Variants in SH3RF2 observed in about 807,000 individuals in gnomAD.
The protein encoded by SH3RF2 is E3 ubiquitin-protein ligase SH3RF2.
SH3RF2 carries 43 observed loss-of-function variants against 59.0 expected under a neutral mutation model. That is an observed-to-expected ratio of 0.73 (90% CI 0.57 to 0.94). The LOEUF is 0.94. Ranked by LOEUF, SH3RF2 falls within the 40% of genes least tolerant of loss-of-function variation. The pLI, the probability that SH3RF2 is intolerant of heterozygous loss-of-function variation, is 0.00. For synonymous variants in SH3RF2, 391 were observed against 391.5 expected (o/e 1.00, Z 0.01); for missense variants, 930 against 940.1 (o/e 0.99, Z 0.14).
At chr5:145,978,153 C>CA (rs542682369) in intron 2 of SH3RF2, among the ~76,000 whole-genome samples, 1 of 152,130 alleles carries the variant, frequency 6.6e-6, no homozygotes, top group African/African-American at 2.4e-5. Flanking sequence ...CGATTATCTG[C>CA]AAAAAATCAT....
chr5:145,969,750 A>G (rs774497950), intron 2 of SH3RF2, among the ~76,000 whole-genome samples: 2 of 151,988 alleles, frequency 1.3e-5, no homozygotes, highest in Admixed American at 6.6e-5. Flanking sequence ...AAAAAAAAAT[A>G]AAGTGTACAA....
chr5:145,959,354 G>A (rs1196855000), intron 2 of SH3RF2, among the ~76,000 whole-genome samples: 1 of 152,084 alleles, frequency 6.6e-6, no homozygotes, highest in Non-Finnish European at 1.5e-5. Flanking sequence ...AACTCTTTTA[G>A]TTGCAAGTGA....
chr5:146,049,231 C>T lies in SH3RF2; in HGVS notation c.1308C>T (p.Val436=). 6.2e-7 allele frequency: 1 copy of T among 1,610,424 alleles called. No homozygotes were observed. The highest frequency in any genetic ancestry group is 8.5e-7 in the Non-Finnish European group (1 of 1,177,736). ...TCGGCATCTTCCCAAACAATTACGTCATCCCCATTTTCAGGTGTGTCGCCT... is the reference window on the plus strand; with the variant it reads ...TCGGCATCTTCCCAAACAATTACGTTATCCCCATTTTCAGGTGTGTCGCCT... The part of the protein sequence containing the change: ...GRVGIFPNNY[V]IPIFRKTSSF... The change falls in exon 7 of 10, where the codon GTC becomes GTT. Residue 436 remains valine (V), a synonymous_variant. Coordinates refer to ENST00000359120, the MANE Select transcript of SH3RF2 (RefSeq NM_152550.4).
At chr5:145,950,004 G>T (rs1758132126) in intron 2 of SH3RF2, among the ~76,000 whole-genome samples, 1 of 152,120 alleles carries the variant, frequency 6.6e-6, no homozygotes, top group Non-Finnish European at 1.5e-5. Flanking sequence ...CAACCAAGTG[G>T]AATGATTGTT....
intron 9 of SH3RF2, among the ~76,000 whole-genome samples, chr5:146,074,014 T>C (rs535028970): frequency 6.7e-6 from 1 of 149,414 alleles, no homozygotes; most frequent in African/African-American, 2.5e-5. Context: ...AAACTCTCCA[T>C]GGGGTAGGTT....
chr5:145,959,489 C>T (rs372812966), intron 2 of SH3RF2, among the ~76,000 whole-genome samples: 2 of 152,020 alleles, frequency 1.3e-5, no homozygotes, highest in Non-Finnish European at 2.9e-5. Context: ...GATTCACCCC[C>T]CTCTGCCTTA....
chr5:145,947,964 C>T (rs1758055882), intron 2 of SH3RF2, among the ~76,000 whole-genome samples: 1 of 152,088 alleles, frequency 6.6e-6, no homozygotes, highest in Non-Finnish European at 1.5e-5. Flanking sequence ...GATTTATTAA[C>T]TGCATCTTAC....
At chr5:145,992,604 C>T (rs1759985467) in intron 2 of SH3RF2, among the ~76,000 whole-genome samples, 1 of 152,002 alleles carries the variant, frequency 6.6e-6, no homozygotes, top group Admixed American at 6.6e-5. Context: ...TGGCAGAAGG[C>T]AAGGAGGAGC....
At chr5:146,030,351 G>A (rs764073060) in intron 5 of SH3RF2, among the ~76,000 whole-genome samples, 2 of 152,184 alleles carry the variant, frequency 1.3e-5, no homozygotes, top group Non-Finnish European at 2.9e-5. Flanking sequence ...ATACTCAGGT[G>A]ACAAACCCTA....
chr5:145,960,708 G>C (rs1363072376), intron 2 of SH3RF2, among the ~76,000 whole-genome samples: 1 of 152,086 alleles, frequency 6.6e-6, no homozygotes, highest in East Asian at 1.9e-4. Context: ...GGGTGGAAAA[G>C]GATATAATAT....
At chr5:146,016,868 G>A (rs909021386) in intron 5 of SH3RF2, among the ~76,000 whole-genome samples, 1 of 152,084 alleles carries the variant, frequency 6.6e-6, no homozygotes, top group African/African-American at 2.4e-5. Flanking sequence ...CCTGAAAAAG[G>A]CTTCCATTTA....
At chr5:146,072,465 G>T (rs1763258807) in intron 9 of SH3RF2, among the ~76,000 whole-genome samples, 1 of 152,200 alleles carries the variant, frequency 6.6e-6, no homozygotes. Context: ...AAGGTCAGGA[G>T]TTTGAGACCA....
At chr5:146,011,164 G>A (rs553975871) in intron 4 of SH3RF2, among the ~76,000 whole-genome samples, 95 of 152,044 alleles carry the variant, frequency 6.2e-4, no homozygotes, top group Non-Finnish European at 1.1e-3. Flanking sequence ...TATTTTTGTC[G>A]CGTTTGTCAA....
chr5:146,042,493 AT>A (rs2150011080), intron 5 of SH3RF2, among the ~76,000 whole-genome samples: 2 of 152,364 alleles, frequency 1.3e-5, no homozygotes, highest in Admixed American at 1.3e-4. Context: ...TTTTGAAGAA[AT>A]GGAGGATCCA....
chr5:145,970,250 A>T (rs1220606090), intron 2 of SH3RF2, among the ~76,000 whole-genome samples: 1 of 151,870 alleles, frequency 6.6e-6, no homozygotes, highest in African/African-American at 2.4e-5. Context: ...CCCAATTTGT[A>T]GTTTTTTATC....
rs558526619 is a variant in SH3RF2, at chr5:146,052,578, G to A, written c.1322+3333G>A. ...CAGGAAGAACAAGTGCCTATTAGAGGATACGCTCCTGAGGGTTCTTAGGTG... is the reference window on the plus strand; with the variant it reads ...CAGGAAGAACAAGTGCCTATTAGAGAATACGCTCCTGAGGGTTCTTAGGTG... On this transcript the variant is annotated intron_variant, in intron 7 of 9. Transcript: ENST00000359120. Among the ~76,000 whole-genome samples the A allele has an allele frequency of 7.2e-5, 11 of 152,256 alleles. No individual in the cohort carries two copies. In the East Asian group the frequency reaches 2.1e-3, roughly 29 times the overall value.
At chr5:146,015,386 T>C (rs1761064767) in intron 5 of SH3RF2, among the ~76,000 whole-genome samples, 1 of 152,178 alleles carries the variant, frequency 6.6e-6, no homozygotes, top group African/African-American at 2.4e-5. Flanking sequence ...TAAAACTTTC[T>C]ACATACACAC....
intron 8 of SH3RF2, among the ~76,000 whole-genome samples, chr5:146,059,037 C>A (rs1323813581): frequency 6.6e-6 from 1 of 152,116 alleles, no homozygotes; most frequent in Non-Finnish European, 1.5e-5. Flanking sequence ...ATACTTTGCA[C>A]ACCAAATAGA....
chr5:145,953,387 A>G (rs1476367025), intron 2 of SH3RF2, among the ~76,000 whole-genome samples: 1 of 152,122 alleles, frequency 6.6e-6, no homozygotes, highest in East Asian at 1.9e-4. Flanking sequence ...GCAAGATCTG[A>G]GTTCTGGAAA....
Sources: allele counts gnomAD v4.1 joint callset (sites outside exome capture counted in the v4.1 genomes callset), GRCh38; gene constraint gnomAD v4.1.1; transcripts MANE v1.5; gene names NCBI Gene and HGNC (gene_info 2026-07-23, HGNC 2026-07-21).